Variants in BRWD1 observed in about 807,000 individuals in gnomAD.
The protein encoded by BRWD1 is bromodomain and WD repeat domain containing 1, also known as bromodomain and WD repeat-containing protein 1.
Under a neutral mutation model 251.2 loss-of-function variants are expected in BRWD1, and 82 were observed. The observed-to-expected ratio is 0.33, with a 90% CI of 0.27 to 0.39. The LOEUF is 0.39. Among genes scored for constraint, BRWD1 ranks in the 10% least tolerant of loss-of-function variants. The pLI is 1.00. For missense variants in BRWD1, 2,233 were observed against 2,711.6 expected, an observed-to-expected ratio of 0.82 and a Z score of 3.92; for synonymous variants, 918 against 902.8, an observed-to-expected ratio of 1.02 and a Z score of -0.30.
chr21:39,307,862 A>G (rs1402237092), intron 4 of BRWD1, among the ~76,000 whole-genome samples: 1 of 152,164 alleles, frequency 6.6e-6, no homozygotes, highest in African/African-American at 2.4e-5. Context: ...TTTCCTCTAT[A>G]GATTCTGTAT....
intron 11 of BRWD1, 72 bp from the exon 12 acceptor site, chr21:39,276,285 T>C: frequency 5.6e-6 from 8 of 1,421,942 alleles, no homozygotes; most frequent in Non-Finnish European, 7.7e-6. Context: ...AATGAAGTTT[T>C]AATGCTAGAA....
At chr21:39,313,977 G>T (rs765485076), upstream of BRWD1, 2 of 405,252 alleles carry the variant, frequency 4.9e-6, no homozygotes, top group Non-Finnish European at 1.0e-5. Context: ...AAGAGGGGGC[G>T]ATTCACCGCC....
chr21:39,218,803 A>G (rs2146519039), intron 29 of BRWD1, 143 bp from the exon 30 acceptor site: 1 of 604,054 alleles, frequency 1.7e-6, no homozygotes, highest in South Asian at 4.1e-5. Context: ...AACTCTTTTA[A>G]AATTACTCAT....
intron 17 of BRWD1, among the ~76,000 whole-genome samples, chr21:39,262,343 G>C (rs1365372564): frequency 6.6e-6 from 1 of 152,140 alleles, no homozygotes; most frequent in African/African-American, 2.4e-5. Flanking sequence ...TGAATAAACA[G>C]GAACAAACTA....
At chr21:39,286,809 C>T (rs566553049) in intron 8 of BRWD1, among the ~76,000 whole-genome samples, 7 of 152,222 alleles carry the variant, frequency 4.6e-5, no homozygotes, top group South Asian at 4.1e-4. Context: ...CCACTGCGCC[C>T]GGCCCATTTT....
At chr21:39,229,553 G>T in intron 25 of BRWD1, 117 bp from the exon 26 acceptor site, 1 of 922,682 alleles carries the variant, frequency 1.1e-6, no homozygotes, top group Non-Finnish European at 1.6e-6. Flanking sequence ...CCGCAGACAA[G>T]TTTAATTAAT....
At chr21:39,233,097 A>AT (rs1196162244) in intron 23 of BRWD1, among the ~76,000 whole-genome samples, 1 of 152,148 alleles carries the variant, frequency 6.6e-6, no homozygotes, top group East Asian at 1.9e-4. Flanking sequence ...GAGGAAAATC[A>AT]TAACTCAAGC....
At chr21:39,316,752 AACAT>A (rs1486693683), upstream of BRWD1, among the ~76,000 whole-genome samples, 1 of 152,146 alleles carries the variant, frequency 6.6e-6, no homozygotes, top group Non-Finnish European at 1.5e-5. Context: ...CAGCCTGAGT[AACAT>A]AGTAAGACCC....
chr21:39,291,466 C>T (rs1425131566), intron 8 of BRWD1, among the ~76,000 whole-genome samples: 1 of 152,194 alleles, frequency 6.6e-6, no homozygotes, highest in African/African-American at 2.4e-5. Context: ...GTAGTAGGGA[C>T]AGCACTTGGC....
chr21:39,272,008 CAAAAA>C (rs376900840), intron 13 of BRWD1, among the ~76,000 whole-genome samples: 16 of 115,176 alleles, frequency 1.4e-4, no homozygotes, highest in Non-Finnish European at 2.2e-4. Flanking sequence ...CACTCCATTT[CAAAAA>C]AAAAAAAAAA....
At chr21:39,240,329 T>C (rs1261554439) in intron 21 of BRWD1, among the ~76,000 whole-genome samples, 2 of 152,180 alleles carry the variant, frequency 1.3e-5, no homozygotes, top group African/African-American at 2.4e-5. Flanking sequence ...CATGTCATTA[T>C]AAATTTGTTA....
upstream of BRWD1, chr21:39,314,237 T>G (rs1350560201): frequency 4.4e-6 from 2 of 455,468 alleles, no homozygotes; most frequent in Non-Finnish European, 8.8e-6. Flanking sequence ...GGCGGGGGCC[T>G]CGTATGCTGG....
chr21:39,200,938 C>T (rs938067563), intron 38 of BRWD1, among the ~76,000 whole-genome samples: 2 of 152,156 alleles, frequency 1.3e-5, no homozygotes, highest in African/African-American at 2.4e-5. Flanking sequence ...GAGCCAAGAT[C>T]GTGCCACTGC....
intron 4 of BRWD1, among the ~76,000 whole-genome samples, chr21:39,302,641 C>G (rs1276958189): frequency 1.3e-5 from 2 of 151,960 alleles, no homozygotes; most frequent in East Asian, 3.9e-4. Flanking sequence ...CTTGTAATCC[C>G]AGCTACTTGG....
chr21:39,258,482 A>G lies in BRWD1; in HGVS notation c.2071+5T>C, dbSNP rs2034633609. On this transcript the variant is annotated splice_donor_5th_base_variant and intron_variant, in intron 18 of 40. Coordinates refer to ENST00000342449, the MANE Select transcript of BRWD1 (RefSeq NM_033656.4). ...TCAGGTAAAACATTTATCACTATTT[A>G]TTACCTCTCCGGGGTGTTTCTTCAC... 1.3e-6 allele frequency: 2 copies of G among 1,573,330 alleles called. 1 individual carries two copies.
At chr21:39,243,695 C>T (rs543385212) in intron 21 of BRWD1, among the ~76,000 whole-genome samples, 6 of 152,262 alleles carry the variant, frequency 3.9e-5, no homozygotes, top group African/African-American at 1.4e-4. Flanking sequence ...AAGCCATCCT[C>T]CCACCTCAGT....
At chr21:39,261,807 T>C (rs938666144) in intron 17 of BRWD1, among the ~76,000 whole-genome samples, 7 of 150,330 alleles carry the variant, frequency 4.7e-5, no homozygotes, top group Non-Finnish European at 8.9e-5. Context: ...GCACAAAGAA[T>C]GAAAAGAATA....
intron 8 of BRWD1, among the ~76,000 whole-genome samples, chr21:39,284,013 A>T (rs942806494): frequency 6.6e-6 from 1 of 152,218 alleles, no homozygotes; most frequent in Non-Finnish European, 1.5e-5. Flanking sequence ...TGAAATCTAC[A>T]CATTTTGAGT....
At chr21:39,228,781 C>G (rs1162584129) in intron 26 of BRWD1, among the ~76,000 whole-genome samples, 199 bp from the exon 27 acceptor site, 1 of 152,012 alleles carries the variant, frequency 6.6e-6, no homozygotes, top group African/African-American at 2.4e-5. Flanking sequence ...GTTATCAAAA[C>G]AAAATAGAGA....
Sources: gnomAD v4.1 joint callset for allele counts (sites outside exome capture counted in the v4.1 genomes callset) on GRCh38, gnomAD v4.1.1 for gene constraint, MANE v1.5 for transcripts, NCBI Gene and HGNC (gene_info 2026-07-23, HGNC 2026-07-21) for gene names.